The following SMG6 variants were observed in gnomAD, a reference collection of about 807,000 sequenced individuals.
SMG6 encodes the protein telomerase-binding protein EST1A.
Under a neutral mutation model 142.2 loss-of-function variants are expected in SMG6, and 66 were observed. The observed-to-expected ratio is 0.46, with a 90% confidence interval of 0.38 to 0.57. The LOEUF is 0.57. Among genes scored for constraint, SMG6 ranks in the 20% least tolerant of loss-of-function variants. The pLI is 0.00. For missense variants in SMG6, 1,793 were observed against 1,832.0 expected, an observed-to-expected ratio of 0.98 and a Z score of 0.39; for synonymous variants, 779 against 702.4, an observed-to-expected ratio of 1.11 and a Z score of -1.72.
intron 6 of SMG6, among the ~76,000 whole-genome samples, chr17:2,291,106 C>T (rs1276441062): frequency 5.3e-5 from 8 of 152,110 alleles, no homozygotes; most frequent in South Asian, 2.1e-4. Flanking sequence ...CCGAGGCGGG[C>T]GGATCACGAG....
chr17:2,201,952 AGGT>A (rs2072539343), intron 10 of SMG6, among the ~76,000 whole-genome samples: 3 of 151,986 alleles, frequency 2.0e-5, no homozygotes, highest in African/African-American at 7.3e-5. Context: ...TGAACCCAGA[AGGT>A]GGAGGTTGTA....
chr17:2,220,087 A>AATTTTTGT (rs2073131533), intron 10 of SMG6, among the ~76,000 whole-genome samples: 1 of 152,082 alleles, frequency 6.6e-6, no homozygotes, highest in African/African-American at 2.4e-5. Flanking sequence ...ACATCCAGCT[A>AATTTTTGT]ATTTTTGTAT....
intron 10 of SMG6, among the ~76,000 whole-genome samples, chr17:2,195,460 TTA>T (rs1224784670): frequency 1.3e-5 from 2 of 152,308 alleles, no homozygotes; most frequent in African/African-American, 4.8e-5. Flanking sequence ...CCTGGAATTG[TTA>T]TTCATACAGT....
In SMG6 at chr17:2,232,809, A is replaced by T. The variant is rs567387197; in HGVS notation, c.2869+3683T>A. 3 of 152,298 alleles carry T rather than the reference A, an allele frequency of 2.0e-5. No homozygotes were observed. In the East Asian group the frequency reaches 5.8e-4, roughly 29 times the overall value. The allele number at this position is 152,298 out of a possible 1,614,324, so 9.4% of individuals were successfully genotyped here. A position where few individuals can be genotyped will look rare whatever the true frequency, so the allele number is the denominator to read the frequency against. Reference sequence around the variant, plus strand: ...CATTACTCAACTTATTTCGCCCTGTAGGAAGGGGGGCAAATCTGGCCTCAC... The same window carrying T: ...CATTACTCAACTTATTTCGCCCTGTTGGAAGGGGGGCAAATCTGGCCTCAC... On this transcript the variant is annotated intron_variant, in intron 10 of 18. Transcript: ENST00000263073.
At chr17:2,244,085 A>C (rs1431832574) in intron 9 of SMG6, among the ~76,000 whole-genome samples, 1 of 152,220 alleles carries the variant, frequency 6.6e-6, no homozygotes, top group East Asian at 1.9e-4. Context: ...GTCAAGTGTT[A>C]GTTTTGCACA....
chr17:2,281,557 T>C (rs2074786677), intron 8 of SMG6, among the ~76,000 whole-genome samples: 1 of 152,216 alleles, frequency 6.6e-6, no homozygotes. Flanking sequence ...GTCTTTTTCA[T>C]ATCTCACTTG....
At chr17:2,101,777 T>A (rs535591100) in intron 13 of SMG6, 1 of 152,302 alleles carries the variant, frequency 6.6e-6, no homozygotes, top group East Asian at 1.9e-4. Context: ...TGTCACTGCT[T>A]CGATTATAGA....
chr17:2,163,351 T>C (rs2071238938), intron 13 of SMG6, among the ~76,000 whole-genome samples: 2 of 151,924 alleles, frequency 1.3e-5, no homozygotes, highest in African/African-American at 4.8e-5. Flanking sequence ...CAAGCCCAGC[T>C]GATTTTTTAA....
intron 13 of SMG6, among the ~76,000 whole-genome samples, chr17:2,111,310 T>C (rs1385432138): frequency 1.3e-5 from 2 of 152,088 alleles, no homozygotes; most frequent in Non-Finnish European, 2.9e-5. Context: ...GGAAGAGTAT[T>C]GCTATTTTAT....
At chr17:2,148,061 C>T (rs139340308) in intron 13 of SMG6, among the ~76,000 whole-genome samples, 3,129 of 152,002 alleles carry the variant, frequency 0.021, 96 homozygotes, top group African/African-American at 0.07. Flanking sequence ...TGTGGTGGTG[C>T]GCACCTGTGG....
intron 13 of SMG6, chr17:2,087,383 G>A: frequency 8.4e-7 from 1 of 1,189,504 alleles, no homozygotes; most frequent in Non-Finnish European, 1.1e-6. Flanking sequence ...TGTGTGCTCT[G>A]TGGCTGCATC....
Position 2,282,706 on chromosome 17 carries a change from T to A in SMG6, c.2602A>T (p.Thr868Ser), listed in dbSNP as rs760732278. 1 of 1,614,146 alleles carries A rather than the reference T, an allele frequency of 6.2e-7. No homozygotes were observed. Among genetic ancestry groups the A allele is most frequent in the Admixed American group, 1.7e-5 (1 of 60,026 alleles). The change falls in exon 8 of 19, where the codon ACT (threonine) becomes TCT (serine). Residue 868 changes from threonine (T) to serine (S), a missense_variant. This residue lies in a region of SMG6 where 1,597 missense variants were observed against 1,584.6 expected (regional missense o/e 1.01). Coordinates refer to ENST00000263073, the MANE Select transcript of SMG6 (RefSeq NM_017575.5). ...TGCTCAGAATCCTTCCCAGACTCAG[T>A]GCCCTGGGAAGACCGTGGATGGGAT... ...HPSHPRSSQG[T>S]ESGKDSEQEN...
intron 8 of SMG6, among the ~76,000 whole-genome samples, chr17:2,264,823 G>C (rs919007443): frequency 6.6e-6 from 1 of 151,554 alleles, no homozygotes; most frequent in African/African-American, 2.4e-5. Context: ...GATTGCTTGA[G>C]CCCAGGAGGC....
Position 2,282,856 on chromosome 17 carries a change from C to T in SMG6, c.2452G>A (p.Glu818Lys). 3 of 1,614,094 alleles carry T rather than the reference C, an allele frequency of 1.9e-6. No homozygotes were observed. Among genetic ancestry groups the T allele is most frequent in the Non-Finnish European group, 2.5e-6 (3 of 1,180,022 alleles). ...TCATGTTGCTTCTTTTCCATCTGTT[C>T]TGCCTATATAACATACAAACACATT... ...SLFEETKRKA[E>K]QMEKKQHEEF... The change falls in exon 8 of 19, where the codon GAA becomes AAA. Residue 818 changes from glutamate (E) to lysine (K), a missense_variant. Glu to Lys is a moderately conservative substitution (Grantham distance 56, BLOSUM62 1). Coordinates refer to ENST00000263073, the MANE Select transcript of SMG6 (RefSeq NM_017575.5).
chr17:2,131,563 G>A (rs968911513), intron 13 of SMG6, among the ~76,000 whole-genome samples: 4 of 152,162 alleles, frequency 2.6e-5, no homozygotes, highest in Admixed American at 2.0e-4. Flanking sequence ...CTCCCAAAAT[G>A]CTGGGGGATT....
intron 12 of SMG6, among the ~76,000 whole-genome samples, chr17:2,184,960 CAAAAAAA>C (rs58230459): frequency 2.7e-4 from 6 of 22,474 alleles, no homozygotes; most frequent in South Asian, 4.2e-3. Flanking sequence ...GACTCCATCT[CAAAAAAA>C]AAAAAAAAAA....
chr17:2,067,777 T>C (rs1234949432), intron 16 of SMG6, among the ~76,000 whole-genome samples: 1 of 152,180 alleles, frequency 6.6e-6, no homozygotes, highest in East Asian at 1.9e-4. Flanking sequence ...CTGCAGCCTC[T>C]GCAGGGGCGG....
In SMG6 at chr17:2,119,569, G is replaced by A. The variant is rs187493375; in HGVS notation, c.3358-33668C>T. On this transcript the variant is annotated intron_variant, in intron 13 of 18. Transcript: ENST00000263073. ...GGCCAGAGTACAGTGGCACGATCTCGGCTCACTGCAACCTCTGCCTCCTGG... is the reference window on the plus strand; with the variant it reads ...GGCCAGAGTACAGTGGCACGATCTCAGCTCACTGCAACCTCTGCCTCCTGG... Among the ~76,000 whole-genome samples the A allele has an allele frequency of 7.9e-5, 12 of 152,130 alleles. No individual in the cohort carries two copies. The East Asian group carries it at 1.4e-3, about 17-fold the overall frequency.
At chr17:2,218,028 C>CA (rs72143595) in intron 10 of SMG6, among the ~76,000 whole-genome samples, 131 of 144,862 alleles carry the variant, frequency 9.0e-4, no homozygotes, top group Middle Eastern at 3.5e-3. Context: ...AAAACAAAAA[C>CA]AAAAAAAAAA....
Sources: gnomAD v4.1 joint callset for allele counts (sites outside exome capture counted in the v4.1 genomes callset) on GRCh38, gnomAD v4.1.1 for gene constraint, gnomAD v4.1.1 regional missense constraint, MANE v1.5 for transcripts, NCBI Gene and HGNC (gene_info 2026-07-23, HGNC 2026-07-21) for gene names.